Variants in PREX1 observed in about 807,000 individuals in gnomAD.
PREX1 encodes the protein phosphatidylinositol 3,4,5-trisphosphate-dependent Rac exchanger 1 protein.
Under a neutral mutation model 198.3 loss-of-function variants are expected in PREX1, and 41 were observed. The observed-to-expected ratio is 0.21, with a 90% confidence interval of 0.16 to 0.27. The LOEUF (loss-of-function observed/expected upper bound fraction) is 0.27, where lower values mean the gene tolerates loss of function less well. PREX1 is among the 10% of genes least tolerant of loss of function. The pLI is 1.00. For synonymous variants in PREX1, 843 were observed against 887.2 expected, an observed-to-expected ratio of 0.95 and a Z score of 0.89; for missense variants, 1,620 against 2,200.7, an observed-to-expected ratio of 0.74 and a Z score of 5.28.
chr20:48,784,649 G>C (rs759342237), intron 1 of PREX1, among the ~76,000 whole-genome samples: 2 of 152,182 alleles, frequency 1.3e-5, no homozygotes, highest in South Asian at 4.1e-4. Flanking sequence ...CTTTTCTGGG[G>C]GTCAAGAAGC....
chr20:48,754,322 C>T (rs574228067), intron 1 of PREX1, among the ~76,000 whole-genome samples: 5 of 152,160 alleles, frequency 3.3e-5, no homozygotes, highest in African/African-American at 9.7e-5. Context: ...TAAAGCCACA[C>T]GGCTGGCAAG....
chr20:48,768,704 G>A (rs747798876), intron 1 of PREX1, among the ~76,000 whole-genome samples: 1 of 152,022 alleles, frequency 6.6e-6, no homozygotes, highest in Non-Finnish European at 1.5e-5. Context: ...GAACCCAGGA[G>A]ACAGAGGTTG....
chr20:48,805,366 G>A (rs2090407151), intron 1 of PREX1, among the ~76,000 whole-genome samples: 1 of 152,254 alleles, frequency 6.6e-6, no homozygotes, highest in Non-Finnish European at 1.5e-5. Flanking sequence ...GGCTAACTCA[G>A]CTGGCTGAGC....
chr20:48,845,047 G>A, the PREX1 span, among the ~76,000 whole-genome samples: 10 of 152,084 alleles, frequency 6.6e-5, no homozygotes, highest in Admixed American at 2.6e-4. Flanking sequence ...AAATGGCATC[G>A]CCATCTATGT....
At chr20:48,680,568 A>C (rs930862188) in intron 11 of PREX1, among the ~76,000 whole-genome samples, 5 of 152,110 alleles carry the variant, frequency 3.3e-5, no homozygotes, top group Admixed American at 3.3e-4. Flanking sequence ...ACTCTGAGGC[A>C]GCCACACTCC....
the PREX1 span, among the ~76,000 whole-genome samples, chr20:48,873,127 T>A: frequency 1.3e-5 from 2 of 152,152 alleles, no homozygotes; most frequent in African/African-American, 4.8e-5. Flanking sequence ...TGATCTACCC[T>A]GCGTGTCACT....
chr20:48,688,215 C>A (rs1258399768), intron 10 of PREX1, among the ~76,000 whole-genome samples: 2 of 152,122 alleles, frequency 1.3e-5, no homozygotes, highest in African/African-American at 4.8e-5. Context: ...TTCTCTTTTC[C>A]CAAGTGCTAC....
Position 48,692,761 on chromosome 20 carries a change from C to T in PREX1, c.947G>A (p.Arg316Lys), listed in dbSNP as rs957560196. 1.9e-6 allele frequency: 3 copies of T among 1,613,946 alleles called. No homozygotes were observed. Among genetic ancestry groups the T allele is most frequent in the Middle Eastern group, 1.6e-4 (1 of 6,084 alleles). ...GAGGGAGCCGTTGATGGATTTGGTC[C>T]TCTTGGTGGACTTCTTGCTCCCGGT... is the stretch of plus-strand genomic sequence containing the variant. ...RVTGSKKSTK[R>K]TKSINGSLYI... The change falls in exon 8 of 40, where the codon AGG (arginine) becomes AAG (lysine). Residue 316 changes from arginine (R) to lysine (K), a missense_variant. Transcript: ENST00000371941.
At chr20:48,736,583 C>T (rs1226539709) in intron 3 of PREX1, among the ~76,000 whole-genome samples, 1 of 152,144 alleles carries the variant, frequency 6.6e-6, no homozygotes, top group African/African-American at 2.4e-5. Flanking sequence ...CCTAAGGGAC[C>T]ATCAAGGCCA....
the PREX1 span, among the ~76,000 whole-genome samples, chr20:48,846,162 G>T: frequency 6.6e-6 from 1 of 152,062 alleles, no homozygotes; most frequent in South Asian, 2.1e-4. Context: ...ACTTGCCTAC[G>T]GTCACATAGC....
At chr20:48,865,656 G>A in the PREX1 span, among the ~76,000 whole-genome samples, 17 of 152,300 alleles carry the variant, frequency 1.1e-4, no homozygotes, top group Non-Finnish European at 1.9e-4. Flanking sequence ...CTCCCTTGCT[G>A]TGCAATGAAG....
At chr20:48,653,290 A>T (rs1017365075) in intron 20 of PREX1, 71 bp downstream of exon 20, 2 of 1,569,242 alleles carry the variant, frequency 1.3e-6, no homozygotes, top group Non-Finnish European at 1.7e-6. Context: ...CTCTAAAGAG[A>T]GGACAGCCCT....
chr20:48,716,569 G>A (rs998390188), intron 5 of PREX1, among the ~76,000 whole-genome samples: 1 of 152,246 alleles, frequency 6.6e-6, no homozygotes, highest in Non-Finnish European at 1.5e-5. Context: ...CAGAGGAAGA[G>A]GAGGTGGTAA....
At chr20:48,858,299 C>T in the PREX1 span, among the ~76,000 whole-genome samples, 1 of 152,228 alleles carries the variant, frequency 6.6e-6, no homozygotes, top group South Asian at 2.1e-4. Flanking sequence ...CCGCCTTGGG[C>T]TGTCAAGTGA....
chr20:48,856,534 TC>T, the PREX1 span, among the ~76,000 whole-genome samples: 2 of 152,184 alleles, frequency 1.3e-5, no homozygotes, highest in Non-Finnish European at 2.9e-5. Context: ...CGTTGCAAGT[TC>T]CTGCCAGAGC....
In PREX1 at chr20:48,657,071, G is replaced by C. The variant is rs202212537; in HGVS notation, c.2092C>G (p.Leu698Val). 218 of 1,605,040 alleles carry C rather than the reference G, an allele frequency of 1.4e-4. 1 individual carries two copies. The Middle Eastern group carries it at 1.5e-3, about 11-fold the overall frequency. Residue 698 changes from leucine to valine, a missense_variant, in exon 18 of 40, where the codon CTG becomes GTG. By Grantham distance (32) the Leu-to-Val change is conservative (BLOSUM62 1). Around this residue, in one of 7 missense-constraint regions of PREX1, gnomAD observed 514 missense variants for 611.6 expected, o/e 0.84. Transcript: ENST00000371941. The part of the protein sequence containing the change: ...LNQSFCSRRP[L>V]RLLVATKAKE... The stretch of plus-strand genomic sequence containing the variant: ...GCCTTCGTGGCCACCAGGAGGCGCA[G>C]AGGGCGGCGGGAGCAGAAGGACTGG...
At chr20:48,756,546 T>A (rs986292523) in intron 1 of PREX1, among the ~76,000 whole-genome samples, 1 of 152,162 alleles carries the variant, frequency 6.6e-6, no homozygotes, top group Non-Finnish European at 1.5e-5. Flanking sequence ...TATGTATCTA[T>A]AACTCATTTC....
At chr20:48,713,903 T>C (rs1270723018) in intron 5 of PREX1, among the ~76,000 whole-genome samples, 1 of 142,972 alleles carries the variant, frequency 7.0e-6, no homozygotes, top group Non-Finnish European at 1.6e-5. Context: ...AATCAATGCA[T>C]ATCAAAAAAA....
intron 7 of PREX1, among the ~76,000 whole-genome samples, chr20:48,698,297 C>T (rs557012095): frequency 5.1e-4 from 77 of 152,312 alleles, no homozygotes; most frequent in African/African-American, 1.8e-3. Context: ...GCAGAGCCTG[C>T]ACCCGGAAGC....
Sources: gnomAD v4.1 joint callset for allele counts (sites outside exome capture counted in the v4.1 genomes callset) on GRCh38, gnomAD v4.1.1 for gene constraint, gnomAD v4.1.1 regional missense constraint, MANE v1.5 for transcripts, NCBI Gene and HGNC (gene_info 2026-07-23, HGNC 2026-07-21) for gene names.